Variants in EMG1 observed in about 807,000 individuals in gnomAD.
EMG1 encodes the protein ribosomal RNA small subunit methyltransferase NEP1.
Under a neutral mutation model 26.9 loss-of-function variants are expected in EMG1, and 24 were observed. The ratio of observed to expected loss-of-function variants is 0.89; its 90% CI spans 0.65 to 1.26. EMG1 has a LOEUF of 1.26. EMG1 is among the 50% of genes most tolerant of loss of function. The pLI, the probability that EMG1 is intolerant of heterozygous loss-of-function variation, is 0.00. For missense variants in EMG1, 299 were observed against 307.6 expected, an observed-to-expected ratio of 0.97 and a Z score of 0.21; for synonymous variants, 140 against 112.6, an observed-to-expected ratio of 1.24 and a Z score of -1.54.
chr12:6,975,041 A>G, intron 3 of EMG1, 49 bp from the exon 4 acceptor site: 1 of 1,572,840 alleles, frequency 6.4e-7, no homozygotes, highest in South Asian at 1.1e-5. Context: ...GACTGGACAG[A>G]AGGACTGTGG....
chr12:6,978,816 CAAT>C lies in EMG1; in HGVS notation c.*3009_*3011del. On this transcript the variant is annotated 3_prime_UTR_variant, in exon 6 of 6. Coordinates refer to ENST00000599672, the MANE Select transcript of EMG1 (RefSeq NM_006331.8). ...CCTGAGTCCTGCTGCCAGATGCCCT[CAAT>C]AGTCTGGCCTGATTGCCTTCACAAT... 1.4e-6 allele frequency: 2 copies of C among 1,380,668 alleles called. No homozygotes were observed. The highest frequency in any genetic ancestry group is 2.0e-6 in the Non-Finnish European group (2 of 1,020,190). 85.5% of individuals were successfully genotyped at this position (1,380,668 alleles called of 1,614,324 possible).
chr12:6,975,638 A>G, intron 5 of EMG1, 58 bp from the exon 6 acceptor site: 4 of 1,206,030 alleles, frequency 3.3e-6, no homozygotes, highest in Non-Finnish European at 5.0e-6. Flanking sequence ...TGCCCTAAAG[A>G]AGGGCTGAAA....
chr12:6,973,387 T>TG (rs1946355919), intron 1 of EMG1, among the ~76,000 whole-genome samples: 1 of 151,782 alleles, frequency 6.6e-6, no homozygotes, highest in African/African-American at 2.4e-5. Context: ...AGGCTGGTCT[T>TG]GAACTCCTGA....
Position 6,977,786 on chromosome 12 carries a change from G to T in EMG1, c.*1977G>T, listed in dbSNP as rs1555153508. 1 of 1,611,776 alleles carries T rather than the reference G, an allele frequency of 6.2e-7. No homozygotes were observed. The highest frequency in any genetic ancestry group is 8.5e-7 in the Non-Finnish European group (1 of 1,178,862). ...GGTGGGGCGACCCTCAAACTGACTG[G>T]TCCTTGCATCCCGCCACCTGCCTCT... On this transcript the variant is annotated 3_prime_UTR_variant, in exon 6 of 6. Coordinates refer to ENST00000599672, the MANE Select transcript of EMG1 (RefSeq NM_006331.8). This position sits in a 1 kb window ranked among gnomAD's most constrained non-coding sequence, Gnocchi z 4.5.
At chr12:6,995,715 T>A (rs1946630857) in intron 7 of EMG1, among the ~76,000 whole-genome samples, 1 of 151,946 alleles carries the variant, frequency 6.6e-6, no homozygotes, top group Non-Finnish European at 1.5e-5. Context: ...TATACCGGGG[T>A]AATCTTCCTT....
chr12:6,988,100 A>G (rs1946546590), intron 7 of EMG1: 1 of 289,944 alleles, frequency 3.4e-6, no homozygotes, highest in Non-Finnish European at 6.3e-6. Context: ...TGCTTTCCTT[A>G]TGGACTTAGG....
At position 6,977,285 on chromosome 12, in the gene EMG1, G is replaced by C; in HGVS notation, c.*1476G>C. 2.5e-6 allele frequency: 4 copies of C among 1,610,690 alleles called. No homozygotes were observed. Among genetic ancestry groups the C allele is most frequent in the Non-Finnish European group, 3.4e-6 (4 of 1,176,920 alleles). On this transcript the variant is annotated 3_prime_UTR_variant, in exon 6 of 6. Coordinates refer to ENST00000599672, the MANE Select transcript of EMG1 (RefSeq NM_006331.8). This position sits in a 1 kb window ranked among gnomAD's most constrained non-coding sequence, Gnocchi z 4.5. Reference sequence around the variant, plus strand: ...CACCTGTGGAGAGAGAGGCCACTAAGGTAGACAGGCCTGGAGTGTCCTTTG... The same window carrying C: ...CACCTGTGGAGAGAGAGGCCACTAACGTAGACAGGCCTGGAGTGTCCTTTG...
downstream of EMG1, among the ~76,000 whole-genome samples, chr12:6,989,695 T>C (rs1179608880): frequency 2.0e-5 from 3 of 152,170 alleles, no homozygotes; most frequent in Non-Finnish European, 4.4e-5. Flanking sequence ...TAGAACTGTA[T>C]TATTCAGTCT....
chr12:6,974,924 G>A, intron 3 of EMG1, 166 bp from the exon 4 acceptor site: 2 of 835,060 alleles, frequency 2.4e-6, no homozygotes, highest in Middle Eastern at 5.9e-4. Context: ...TCACTGTACA[G>A]CTAGCCATAT....
In EMG1 at chr12:6,978,079, G is replaced by A. The variant is rs895292082; in HGVS notation, c.*2270G>A. 51 of 566,176 alleles carry A rather than the reference G, an allele frequency of 9.0e-5. No homozygotes were observed. The highest frequency in any genetic ancestry group is 1.3e-4 in the Admixed American group (4 of 30,616). 35.1% of individuals were successfully genotyped at this position (566,176 alleles called of 1,614,324 possible). On this transcript the variant is annotated 3_prime_UTR_variant, in exon 6 of 6. Transcript: ENST00000599672. ...AGTAAAGCTGTTGATAAACAGGGCA[G>A]TGGAGGACATAAGTCCATTGGCAGA...
At position 6,978,264 on chromosome 12, in the gene EMG1, G is replaced by A; in HGVS notation, c.*2455G>A. On this transcript the variant is annotated 3_prime_UTR_variant, in exon 6 of 6. Transcript: ENST00000599672. ...TGGGAAAGACGCATAGGGGTGACAT[G>A]GTACACCCCTGCCCTCCAATCTGGG... 6.7e-7 allele frequency: 1 copy of A among 1,488,214 alleles called. No homozygotes were observed. The highest frequency in any genetic ancestry group is 1.3e-5 in the South Asian group (1 of 76,858). The allele number at this position is 1,488,214 out of a possible 1,614,324, so 92.2% of individuals were successfully genotyped here.
chr12:6,975,353 T>C lies in EMG1; in HGVS notation c.596T>C (p.Val199Ala), dbSNP rs1555152988. ...LVPSSDPIVF[V>A]VGAFAHGKVS... ...CCCAGCAGTGATCCTATTGTTTTTG[T>C]GGTAGGGGCCTTTGCCCATGGCAAG... Residue 199 changes from valine (V) to alanine (A), a missense_variant, in exon 5 of 6, where the codon GTG (valine) becomes GCG (alanine). Transcript: ENST00000599672. 1 of 1,604,532 alleles carries C rather than the reference T, an allele frequency of 6.2e-7. No homozygotes were observed. Among genetic ancestry groups the C allele is most frequent in the Non-Finnish European group, 8.5e-7 (1 of 1,175,086 alleles).
chr12:6,982,570 G>C, downstream of EMG1: 1 of 775,528 alleles, frequency 1.3e-6, no homozygotes, highest in Non-Finnish European at 2.2e-6. Flanking sequence ...CTGGGAGAGG[G>C]GTTAGAAATT....
At position 6,976,927 on chromosome 12, in the gene EMG1, T is replaced by TA; in HGVS notation, c.*1119dup. The stretch of plus-strand genomic sequence containing the variant: ...AGAGGAGTTTGGAAGGCTGGTTAGT[T>TA]ACTCCTGTAATTCCTGGTCTATAGC... On this transcript the variant is annotated 3_prime_UTR_variant, in exon 6 of 6. Coordinates refer to ENST00000599672, the MANE Select transcript of EMG1 (RefSeq NM_006331.8). 1 of 519,882 alleles carries TA rather than the reference T, an allele frequency of 1.9e-6. No homozygotes were observed. The highest frequency in any genetic ancestry group is 2.3e-5 in the South Asian group (1 of 43,558). 32.2% of individuals were successfully genotyped at this position (519,882 alleles called of 1,614,324 possible).
In EMG1 at chr12:6,977,889, C is replaced by G. The variant is rs1946426310; in HGVS notation, c.*2080C>G. On this transcript the variant is annotated 3_prime_UTR_variant, in exon 6 of 6. Transcript: ENST00000599672. This position sits in a 1 kb window ranked among gnomAD's most constrained non-coding sequence, Gnocchi z 4.5. Reference sequence around the variant, plus strand: ...CCCCCAGAGGGTACAGGAGGCAGTGCTGACTGATTACTTTTAGAGATGGAA... The same window carrying G: ...CCCCCAGAGGGTACAGGAGGCAGTGGTGACTGATTACTTTTAGAGATGGAA... 6.5e-6 allele frequency: 6 copies of G among 917,790 alleles called. No individual in the cohort carries two copies. The highest frequency in any genetic ancestry group is 2.4e-5 in the East Asian group (1 of 40,834). 56.9% of individuals were successfully genotyped at this position (917,790 alleles called of 1,614,324 possible). A position where few individuals can be genotyped will look rare whatever the true frequency, so the allele number is the denominator to read the frequency against.
exon 8 of EMG1, chr12:6,997,427 GTT>G (rs1565603365): frequency 7.3e-6 from 1 of 137,480 alleles, no homozygotes; most frequent in Non-Finnish European, 1.5e-5. Context: ...GTGTGTGTGT[GTT>G]TCAAGACACA....
At chr12:6,992,321 C>T (rs1448344817), downstream of EMG1, among the ~76,000 whole-genome samples, 4 of 151,144 alleles carry the variant, frequency 2.6e-5, no homozygotes, top group African/African-American at 9.7e-5. Flanking sequence ...TAAGACCCTG[C>T]CTCAAAAAAA....
At chr12:6,981,568 C>T (rs1555154066), downstream of EMG1, 3 of 1,612,200 alleles carry the variant, frequency 1.9e-6, no homozygotes, top group Non-Finnish European at 2.5e-6. Flanking sequence ...AAGTCTTGAA[C>T]CTCTCTGCCG....
At chr12:6,994,561 G>A (rs1946620335) in intron 7 of EMG1, among the ~76,000 whole-genome samples, 1 of 152,122 alleles carries the variant, frequency 6.6e-6, no homozygotes, top group Non-Finnish European at 1.5e-5. Context: ...CAACTTTCTA[G>A]GTTCAAGTGA....
Sources: gnomAD v4.1 joint callset for allele counts (sites outside exome capture counted in the v4.1 genomes callset) on GRCh38, gnomAD v4.1.1 for gene constraint, Gnocchi (gnomAD v3.1) non-coding constraint, MANE v1.5 for transcripts, NCBI Gene and HGNC (gene_info 2026-07-23, HGNC 2026-07-21) for gene names.